TMEM131: variants seen among roughly 807,000 people sequenced by gnomAD.
TMEM131 encodes 2610524E03Rik.
A neutral mutation model predicts 211.6 loss-of-function variants in TMEM131; 66 were observed. That is an observed-to-expected ratio of 0.31 (90% confidence interval 0.26 to 0.38). TMEM131 has a LOEUF of 0.38. Among genes scored for constraint, TMEM131 ranks in the 10% least tolerant of loss-of-function variants. The pLI, the probability that TMEM131 is intolerant of heterozygous loss-of-function variation, is 1.00. For synonymous variants in TMEM131, 844 were observed against 841.3 expected, an observed-to-expected ratio of 1.00 and a Z score of -0.06; for missense variants, 2,036 against 2,299.3, an observed-to-expected ratio of 0.89 and a Z score of 2.34.
intron 4 of TMEM131, among the ~76,000 whole-genome samples, chr2:97,886,981 T>C (rs781024843): frequency 2.8e-4 from 42 of 152,258 alleles, no homozygotes; most frequent in Non-Finnish European, 5.3e-4. Context: ...TTGCCAGGGA[T>C]GGCCCGCAGG....
In TMEM131 at chr2:97,919,553, G is replaced by C. The variant is rs375428847; in HGVS notation, c.249+7873C>G. On this transcript the variant is annotated intron_variant, in intron 2 of 40. Coordinates refer to ENST00000186436, the MANE Select transcript of TMEM131 (RefSeq NM_015348.2). ...CTCTCTTTTTCTCTAGTTGCTTTTA[G>C]AATGTATCTCTTTGGCTTTGACTTT... is the stretch of plus-strand genomic sequence containing the variant. Among the ~76,000 whole-genome samples the C allele has an allele frequency of 6.2e-4, 94 of 152,154 alleles. No individual in the cohort carries two copies. The East Asian group carries it at 0.012, about 19-fold the overall frequency.
chr2:97,986,380 A>C (rs1680028679), intron 1 of TMEM131, among the ~76,000 whole-genome samples: 1 of 152,222 alleles, frequency 6.6e-6, no homozygotes, highest in Non-Finnish European at 1.5e-5. Flanking sequence ...GAAGGAACAG[A>C]GACCAAAACA....
chr2:97,931,861 A>C (rs939560885), intron 1 of TMEM131, among the ~76,000 whole-genome samples: 6 of 152,180 alleles, frequency 3.9e-5, no homozygotes, highest in Non-Finnish European at 8.8e-5. Flanking sequence ...TCCTCCTTCA[A>C]GTCTCAGCCT....
At chr2:97,773,554 C>T (rs763088443) in intron 32 of TMEM131, among the ~76,000 whole-genome samples, 11 of 152,166 alleles carry the variant, frequency 7.2e-5, no homozygotes, top group African/African-American at 1.2e-4. Flanking sequence ...ACCTGCCCCA[C>T]GGATTTCTGT....
Position 97,841,940 on chromosome 2 carries a change from G to A in TMEM131, c.601-3C>T. 1 of 1,526,314 alleles carries A rather than the reference G, an allele frequency of 6.6e-7. No homozygotes were observed. Among genetic ancestry groups the A allele is most frequent in the Non-Finnish European group, 8.8e-7 (1 of 1,134,950 alleles). 94.5% of individuals were successfully genotyped at this position (1,526,314 alleles called of 1,614,324 possible). ...TTTGGAACTCCAACACCAAATACCT[G>A]TTTCAGTGGAGGAAAAAAATGCAAT... On this transcript the variant is annotated splice_polypyrimidine_tract_variant and splice_region_variant and intron_variant, in intron 6 of 40. Transcript: ENST00000186436.
At chr2:97,953,252 A>G (rs1374762559) in intron 1 of TMEM131, among the ~76,000 whole-genome samples, 1 of 152,248 alleles carries the variant, frequency 6.6e-6, no homozygotes, top group Non-Finnish European at 1.5e-5. Flanking sequence ...CAGAGAAGGC[A>G]AAGAGACCTT....
At chr2:97,860,021 C>G (rs575992787) in intron 4 of TMEM131, among the ~76,000 whole-genome samples, 2 of 152,320 alleles carry the variant, frequency 1.3e-5, no homozygotes, top group South Asian at 4.1e-4. Context: ...TAAACACACT[C>G]AATGGTCTGA....
At chr2:97,896,468 T>C (rs1675615822) in intron 3 of TMEM131, among the ~76,000 whole-genome samples, 1 of 152,170 alleles carries the variant, frequency 6.6e-6, no homozygotes, top group African/African-American at 2.4e-5. Context: ...GATGTTAAAG[T>C]CTCCCACTAT....
chr2:97,950,990 A>T (rs1474263544), intron 1 of TMEM131, among the ~76,000 whole-genome samples: 2 of 152,232 alleles, frequency 1.3e-5, no homozygotes, highest in African/African-American at 4.8e-5. Flanking sequence ...CCTACAGAAC[A>T]CATGCACTGT....
intron 2 of TMEM131, among the ~76,000 whole-genome samples, chr2:97,927,078 A>C (rs1573568368): frequency 6.6e-6 from 1 of 152,356 alleles, no homozygotes; most frequent in East Asian, 1.9e-4. Flanking sequence ...CATTATGTTC[A>C]GTTTTTATTC....
At position 97,805,638 on chromosome 2, in the gene TMEM131, T is replaced by C; in HGVS notation, c.2121A>G (p.Gln707=). ...GCACATCTTCTGACAAAGATCGTATTTGCTGTATTTTTACCTTCTGTGAGA... is the reference window on the plus strand; with the variant it reads ...GCACATCTTCTGACAAAGATCGTATCTGCTGTATTTTTACCTTCTGTGAGA... ...NSFSQKVKIQ[Q]IRSLSEDVRF... is the part of the protein sequence containing the mutation. The change falls in exon 20 of 41, where the codon CAA becomes CAG. Residue 707 remains glutamine (Q), a synonymous_variant. Transcript: ENST00000186436. 6.2e-7 allele frequency: 1 copy of C among 1,611,256 alleles called. No homozygotes were observed. The highest frequency in any genetic ancestry group is 8.5e-7 in the Non-Finnish European group (1 of 1,177,862).
In TMEM131 at chr2:97,815,220, T is replaced by C. The variant is rs1681761248; in HGVS notation, c.1271A>G (p.Tyr424Cys). The change falls in exon 13 of 41, where the codon TAT becomes TGT. Residue 424 changes from tyrosine to cysteine, a missense_variant. By Grantham distance (194) the Tyr-to-Cys change is radical. Coordinates refer to ENST00000186436, the MANE Select transcript of TMEM131 (RefSeq NM_015348.2). ...TCACCCATCTAAAACTTCTGCTTGA[T>C]ATGGTATTTCAAGTTTAGAATAACT... ...EKSYSKLEIP[Y>C]QAEVLDGYLG... 1 of 1,547,858 alleles carries C rather than the reference T, an allele frequency of 6.5e-7. No individual in the cohort carries two copies. Among genetic ancestry groups the C allele is most frequent in the African/African-American group, 1.4e-5 (1 of 71,118 alleles).
chr2:97,925,751 T>C (rs1358776775), intron 2 of TMEM131, among the ~76,000 whole-genome samples: 2 of 152,226 alleles, frequency 1.3e-5, no homozygotes, highest in South Asian at 2.1e-4. Context: ...TCTAATCTTT[T>C]TGGCAATTTT....
intron 3 of TMEM131, among the ~76,000 whole-genome samples, chr2:97,896,914 C>T (rs922855285): frequency 2.0e-5 from 3 of 151,964 alleles, no homozygotes; most frequent in Admixed American, 2.0e-4. Context: ...ATTGCTTAAT[C>T]TAAAACTGAT....
chr2:97,793,916 C>A (rs1680624930), intron 29 of TMEM131, among the ~76,000 whole-genome samples: 1 of 142,590 alleles, frequency 7.0e-6, no homozygotes, highest in East Asian at 2.2e-4. Context: ...ATGGCATGAA[C>A]CCGGGAGGCG....
At chr2:97,884,556 T>C (rs1675064570) in intron 4 of TMEM131, among the ~76,000 whole-genome samples, 3 of 152,232 alleles carry the variant, frequency 2.0e-5, no homozygotes, top group Admixed American at 1.3e-4. Context: ...CTGGGGTCTA[T>C]CTCTCCCTTT....
chr2:97,975,805 T>C (rs1230346816), intron 1 of TMEM131, among the ~76,000 whole-genome samples: 1 of 96,142 alleles, frequency 1.0e-5, no homozygotes, highest in East Asian at 2.1e-4. Flanking sequence ...AGGGAAGGTA[T>C]TACAAGAAAA....
chr2:97,817,157 T>A (rs1330747073), intron 12 of TMEM131, among the ~76,000 whole-genome samples: 1 of 151,410 alleles, frequency 6.6e-6, no homozygotes, highest in Non-Finnish European at 1.5e-5. Flanking sequence ...CGCATTTATC[T>A]CAAGAAGGGA....
chr2:97,899,974 T>C (rs866734436), intron 3 of TMEM131, among the ~76,000 whole-genome samples: 2 of 152,036 alleles, frequency 1.3e-5, no homozygotes, highest in Non-Finnish European at 2.9e-5. Context: ...TACCAATAAA[T>C]CCATCATAAG....
Sources: allele counts gnomAD v4.1 joint callset (sites outside exome capture counted in the v4.1 genomes callset), GRCh38; gene constraint gnomAD v4.1.1; transcripts MANE v1.5; gene names NCBI Gene and HGNC (gene_info 2026-07-23, HGNC 2026-07-21).